The following OBI1 variants were observed in gnomAD, a reference collection of about 807,000 sequenced individuals.
OBI1 encodes the protein ORC ubiquitin ligase 1, also known as ring finger protein 219.
In OBI1, 59 loss-of-function variants were observed where a neutral mutation model predicts 62.4. The ratio of observed to expected loss-of-function variants is 0.95; its 90% CI spans 0.77 to 1.17. The LOEUF is 1.17. Ranked by LOEUF, OBI1 falls within the 50% of genes most tolerant of loss-of-function variation. The pLI is 0.00. For missense variants in OBI1, 875 were observed against 830.9 expected (o/e 1.05, Z -0.65); for synonymous variants, 302 against 292.8 (o/e 1.03, Z -0.32).
Position 78,616,078 on chromosome 13 carries a change from T to C in OBI1, c.1683A>G (p.Ser561=). 5 of 1,614,164 alleles carry C rather than the reference T, an allele frequency of 3.1e-6. No homozygotes were observed. Among genetic ancestry groups the C allele is most frequent in the Non-Finnish European group, 4.2e-6 (5 of 1,180,028 alleles). The change falls in exon 6 of 6, where the codon TCA becomes TCG. Residue 561 remains serine (S), a synonymous_variant. Coordinates refer to ENST00000282003, the MANE Select transcript of OBI1 (RefSeq NM_024546.4). The part of the protein sequence containing the change: ...SKSPCNNGFK[S]LDLDGLSKSS... ...ACTTTGATAACCCATCCAAATCCAGTGACTTAAAACCGTTATTACAAGGGC... is the reference window on the plus strand; with the variant it reads ...ACTTTGATAACCCATCCAAATCCAGCGACTTAAAACCGTTATTACAAGGGC...
chr13:78,644,114 T>C (rs182540230), intron 2 of OBI1, among the ~76,000 whole-genome samples: 176 of 152,242 alleles, frequency 1.2e-3, no homozygotes, highest in South Asian at 2.9e-3. Context: ...CAAACTTACA[T>C]TTTCTATCAC....
chr13:78,625,181 T>C (rs1875630141), intron 5 of OBI1, among the ~76,000 whole-genome samples: 1 of 152,194 alleles, frequency 6.6e-6, no homozygotes, highest in Non-Finnish European at 1.5e-5. Context: ...TAAGACATGC[T>C]ATTTCATATC....
chr13:78,639,332 C>A (rs1165759438), intron 3 of OBI1, among the ~76,000 whole-genome samples: 1 of 152,160 alleles, frequency 6.6e-6, no homozygotes, highest in Non-Finnish European at 1.5e-5. Flanking sequence ...AATGCCAAAT[C>A]TTTGATTCTA....
chr13:78,647,907 A>G (rs1359908559), intron 1 of OBI1, among the ~76,000 whole-genome samples: 1 of 152,180 alleles, frequency 6.6e-6, no homozygotes, highest in Non-Finnish European at 1.5e-5. Flanking sequence ...AAACAAAGAT[A>G]ATCTGGAATA....
intron 5 of OBI1, among the ~76,000 whole-genome samples, chr13:78,634,275 C>CTATT (rs1348450684): frequency 6.6e-6 from 1 of 151,456 alleles, no homozygotes; most frequent in Non-Finnish European, 1.5e-5. Flanking sequence ...TGGGGCTGGG[C>CTATT]TATTTAAGGT....
chr13:78,657,183 G>A (rs1181957215), intron 1 of OBI1, among the ~76,000 whole-genome samples: 1 of 151,928 alleles, frequency 6.6e-6, no homozygotes, highest in East Asian at 1.9e-4. Flanking sequence ...AATGAAGCAT[G>A]TGCAAAGTTT....
At chr13:78,642,262 G>A (rs754331241) in intron 2 of OBI1, 49 bp from the exon 3 acceptor site, 19 of 1,149,636 alleles carry the variant, frequency 1.7e-5, no homozygotes, top group South Asian at 1.3e-4. Flanking sequence ...GATTCGGGAA[G>A]AATGAAAATG....
chr13:78,624,707 C>T (rs1332486527), intron 5 of OBI1, among the ~76,000 whole-genome samples: 1 of 152,186 alleles, frequency 6.6e-6, no homozygotes. Flanking sequence ...GAACAGACAG[C>T]TCCCTTTTGT....
chr13:78,623,158 T>C (rs771745423), intron 5 of OBI1, among the ~76,000 whole-genome samples: 4 of 152,098 alleles, frequency 2.6e-5, no homozygotes, highest in Non-Finnish European at 2.9e-5. Flanking sequence ...AGTTACAAAA[T>C]TGCTACATTC....
intron 4 of OBI1, among the ~76,000 whole-genome samples, chr13:78,637,026 A>G (rs1156896371): frequency 6.6e-6 from 1 of 152,228 alleles, no homozygotes; most frequent in Non-Finnish European, 1.5e-5. Context: ...TGAAGGGCAG[A>G]GTTCTGCCTA....
At chr13:78,639,890 C>T (rs1876157082) in intron 3 of OBI1, among the ~76,000 whole-genome samples, 1 of 146,442 alleles carries the variant, frequency 6.8e-6, no homozygotes, top group African/African-American at 2.5e-5. Context: ...ATACCTAATG[C>T]TAGATGACGA....
chr13:78,643,742 C>T (rs1447211578), intron 2 of OBI1, among the ~76,000 whole-genome samples: 3 of 151,796 alleles, frequency 2.0e-5, no homozygotes, highest in African/African-American at 7.3e-5. Context: ...GAGCCGAGAA[C>T]GCGCCACTGC....
At chr13:78,625,173 A>C (rs1038846788) in intron 5 of OBI1, among the ~76,000 whole-genome samples, 2 of 152,202 alleles carry the variant, frequency 1.3e-5, no homozygotes, top group Admixed American at 1.3e-4. Flanking sequence ...GAGAAAATTA[A>C]GACATGCTAT....
In OBI1 at chr13:78,645,017, T is replaced by C. The variant is rs1876340127; in HGVS notation, c.73-20A>G. 1.9e-6 allele frequency: 3 copies of C among 1,600,498 alleles called. No homozygotes were observed. The highest frequency in any genetic ancestry group is 1.7e-5 in the Admixed American group (1 of 58,224). Reference sequence around the variant, plus strand: ...ACGTACCTTTGAAAAAAGAAATCACTTTTAGTACAGGACAACGGTCATAAT... The same window carrying C: ...ACGTACCTTTGAAAAAAGAAATCACCTTTAGTACAGGACAACGGTCATAAT... On this transcript the variant is annotated intron_variant, in intron 1 of 5. Coordinates refer to ENST00000282003, the MANE Select transcript of OBI1 (RefSeq NM_024546.4).
At chr13:78,647,040 A>G (rs150611461) in intron 1 of OBI1, among the ~76,000 whole-genome samples, 16 of 152,364 alleles carry the variant, frequency 1.1e-4, no homozygotes, top group African/African-American at 3.8e-4. Flanking sequence ...TATGCTTGAT[A>G]AAAGTCATCA....
Position 78,616,632 on chromosome 13 carries a change from G to A in OBI1, c.1129C>T (p.Pro377Ser). ...TCATAAAGTTCTTCATCTTTGTAGG[G>A]TACACAGTCACTTGGTTTATTCCCC... ...EWGNKPSDCV[P>S]YKDEELYDLP... Residue 377 changes from proline (P) to serine (S), a missense_variant, in exon 6 of 6, where the codon CCC becomes TCC. Physicochemically the swap from Pro to Ser is moderately conservative, Grantham distance 74 (BLOSUM62 -1). Transcript: ENST00000282003. 2.5e-6 allele frequency: 4 copies of A among 1,614,074 alleles called. No homozygotes were observed. Among genetic ancestry groups the A allele is most frequent in the Middle Eastern group, 1.6e-4 (1 of 6,062 alleles).
chr13:78,636,817 T>C (rs192355250), intron 4 of OBI1, among the ~76,000 whole-genome samples: 1 of 152,356 alleles, frequency 6.6e-6, no homozygotes, highest in East Asian at 1.9e-4. Context: ...AGTGAATGCT[T>C]TTTGATGATG....
In OBI1 at chr13:78,644,903, C is replaced by T. The variant is rs1401845168; in HGVS notation, c.167G>A (p.Arg56Lys). The change falls in exon 2 of 6, where the codon AGA becomes AAA. Residue 56 changes from arginine to lysine, a missense_variant. Coordinates refer to ENST00000282003, the MANE Select transcript of OBI1 (RefSeq NM_024546.4). ...LKNNSQCPAC[R>K]VPITPENPCK... ...AGGATTTTCAGGAGTGATGGGGACT[C>T]TGCAAGCTGGACACTGGCTATTATT... is the stretch of plus-strand genomic sequence containing the variant. 2 of 1,614,076 alleles carry T rather than the reference C, an allele frequency of 1.2e-6. No individual in the cohort carries two copies.
intron 1 of OBI1, among the ~76,000 whole-genome samples, chr13:78,648,643 G>T (rs1378438559): frequency 1.3e-5 from 2 of 152,150 alleles, no homozygotes; most frequent in African/African-American, 4.8e-5. Flanking sequence ...GTCGGGCACG[G>T]TGGCTCACTC....
Sources: gnomAD v4.1 joint callset for allele counts (sites outside exome capture counted in the v4.1 genomes callset) on GRCh38, gnomAD v4.1.1 for gene constraint, MANE v1.5 for transcripts, NCBI Gene and HGNC (gene_info 2026-07-23, HGNC 2026-07-21) for gene names.